The following CCDC102B variants were observed in gnomAD, a reference collection of about 807,000 sequenced individuals.
The protein encoded by CCDC102B is coiled-coil domain containing 102B, also known as coiled-coil domain-containing protein 102B.
CCDC102B carries 75 observed loss-of-function variants against 57.4 expected under a neutral mutation model. That is an observed-to-expected ratio of 1.31 (90% confidence interval 1.08 to 1.58). The LOEUF (loss-of-function observed/expected upper bound fraction) is 1.58, where lower values mean the gene tolerates loss of function less well. CCDC102B is among the 40% of genes most tolerant of loss of function. The pLI is 0.00. For synonymous variants in CCDC102B, 206 were observed against 201.9 expected (o/e 1.02, Z -0.17); for missense variants, 636 against 582.6 (o/e 1.09, Z -0.94).
intron 5 of CCDC102B, among the ~76,000 whole-genome samples, chr18:68,890,860 C>T (rs533576032): frequency 2.0e-5 from 3 of 152,198 alleles, no homozygotes; most frequent in Admixed American, 6.5e-5. Flanking sequence ...TGTTCATAAA[C>T]ATTTGTTTCA....
At chr18:68,766,030 T>G (rs1234761315) in intron 2 of CCDC102B, among the ~76,000 whole-genome samples, 1 of 152,148 alleles carries the variant, frequency 6.6e-6, no homozygotes, top group African/African-American at 2.4e-5. Flanking sequence ...TAAAACATAT[T>G]AATTCATAGG....
intron 4 of CCDC102B, chr18:68,866,774 G>T: frequency 1.5e-6 from 1 of 666,796 alleles, no homozygotes. Flanking sequence ...TGTCTTTTTG[G>T]TATGTCGGTG....
intron 6 of CCDC102B, among the ~76,000 whole-genome samples, chr18:68,931,945 G>A (rs772059511): frequency 7.3e-5 from 11 of 151,550 alleles, no homozygotes; most frequent in Non-Finnish European, 1.2e-4. Context: ...AGATGTGTAT[G>A]TACACAAAGT....
chr18:68,741,691 ACACAC>A (rs2033390949), intron 2 of CCDC102B, among the ~76,000 whole-genome samples: 1 of 148,210 alleles, frequency 6.7e-6, no homozygotes, highest in Non-Finnish European at 1.5e-5. Flanking sequence ...ACACACACAC[ACACAC>A]ACACACACAC....
intron 2 of CCDC102B, among the ~76,000 whole-genome samples, chr18:68,769,185 G>A (rs778040435): frequency 7.9e-5 from 12 of 151,818 alleles, no homozygotes; most frequent in East Asian, 3.9e-4. Flanking sequence ...CCTGGGAGGC[G>A]GAGGCTGCGG....
chr18:69,025,735 A>G (rs1422299098), intron 7 of CCDC102B, among the ~76,000 whole-genome samples: 1 of 152,190 alleles, frequency 6.6e-6, no homozygotes, highest in African/African-American at 2.4e-5. Context: ...GGAAGAAACC[A>G]CTTTTTAAGA....
At chr18:69,056,251 T>C (rs2052812716), downstream of CCDC102B, among the ~76,000 whole-genome samples, 2 of 152,050 alleles carry the variant, frequency 1.3e-5, no homozygotes, top group Non-Finnish European at 2.9e-5. Flanking sequence ...CTTCAGTGAT[T>C]TTCCTTCAAA....
At chr18:68,974,388 A>T (rs2050379717) in intron 6 of CCDC102B, among the ~76,000 whole-genome samples, 1 of 152,062 alleles carries the variant, frequency 6.6e-6, no homozygotes, top group Non-Finnish European at 1.5e-5. Context: ...GAACTGTGAG[A>T]TATTAAATTT....
chr18:68,768,150 G>C (rs1267067082), intron 2 of CCDC102B, among the ~76,000 whole-genome samples: 1 of 152,038 alleles, frequency 6.6e-6, no homozygotes, highest in Non-Finnish European at 1.5e-5. Context: ...TACAATCAGA[G>C]AAGAACTTTA....
chr18:68,940,522 A>G (rs2145166433), intron 6 of CCDC102B, among the ~76,000 whole-genome samples: 1 of 151,980 alleles, frequency 6.6e-6, no homozygotes, highest in East Asian at 1.9e-4. Flanking sequence ...CTTACTCTAC[A>G]TATAAATCTG....
Position 69,055,141 on chromosome 18 carries a change from T to A in CCDC102B, c.*1004T>A, listed in dbSNP as rs901947135. The A allele has an allele frequency of 1.4e-5, 14 of 980,210 alleles. No individual in the cohort carries two copies. The highest frequency in any genetic ancestry group is 6.2e-5 in the Admixed American group (1 of 16,200). 60.7% of individuals were successfully genotyped at this position (980,210 alleles called of 1,614,324 possible). Reference sequence around the variant, plus strand: ...CCTCCATTGATTAGCCAAAAAAAAATGAAATCTTACTAATTCATTATTGAA... The same window carrying A: ...CCTCCATTGATTAGCCAAAAAAAAAAGAAATCTTACTAATTCATTATTGAA... On this transcript the variant is annotated 3_prime_UTR_variant, in exon 8 of 8. Coordinates refer to ENST00000360242, the MANE Select transcript of CCDC102B (RefSeq NM_024781.3).
chr18:68,911,550 A>G (rs2040852643), intron 6 of CCDC102B, among the ~76,000 whole-genome samples: 1 of 150,272 alleles, frequency 6.7e-6, no homozygotes, highest in Non-Finnish European at 1.5e-5. Flanking sequence ...CAGGAGATCG[A>G]GACCATCCTG....
intron 1 of CCDC102B, among the ~76,000 whole-genome samples, chr18:68,819,194 A>T (rs1281606894): frequency 6.6e-6 from 1 of 152,130 alleles, no homozygotes; most frequent in Non-Finnish European, 1.5e-5. Flanking sequence ...AATATCATGA[A>T]TGATTTTTCT....
chr18:68,724,928 A>C lies in CCDC102B; in HGVS notation c.-67+8334A>C, dbSNP rs11661992. ...ACTGTTCTCTTGCTGCGATGAGGAA[A>C]TACCTGAGACTGGGTAATTTATAAA... On this transcript the variant is annotated intron_variant, in intron 2 of 3. Coordinates refer to the CCDC102B transcript ENST00000578970. Among the ~76,000 whole-genome samples, 169 of 152,330 alleles carry C rather than the reference A, an allele frequency of 1.1e-3. 1 individual carries two copies. The highest frequency in any genetic ancestry group is 3.8e-3 in the Admixed American group (58 of 15,300).
At chr18:68,807,141 A>T (rs2036062912) in intron 1 of CCDC102B, among the ~76,000 whole-genome samples, 1 of 152,108 alleles carries the variant, frequency 6.6e-6, no homozygotes, top group African/African-American at 2.4e-5. Flanking sequence ...TATAGCTCTC[A>T]TGTTATCATA....
At chr18:68,892,585 T>A (rs2040117252) in intron 5 of CCDC102B, among the ~76,000 whole-genome samples, 1 of 152,166 alleles carries the variant, frequency 6.6e-6, no homozygotes. Context: ...ATTTTTGATC[T>A]TTGGAGGTTG....
At chr18:68,796,136 G>T (rs188218057), upstream of CCDC102B, among the ~76,000 whole-genome samples, 118 of 152,296 alleles carry the variant, frequency 7.7e-4, 1 homozygote, top group Non-Finnish European at 1.4e-3. Flanking sequence ...GCAGAAGAAA[G>T]CTGGGAGAAG....
intron 6 of CCDC102B, among the ~76,000 whole-genome samples, chr18:69,009,954 C>T (rs1249596649): frequency 7.4e-4 from 5 of 6,732 alleles, no homozygotes; most frequent in Non-Finnish European, 4.0e-3. Context: ...TTTTTTGAGA[C>T]GGAGCCTTGC....
At chr18:69,000,355 C>T (rs12454149) in intron 6 of CCDC102B, among the ~76,000 whole-genome samples, 130,555 of 152,088 alleles carry the variant, frequency 0.86, 57,954 homozygotes, top group Non-Finnish European at 0.97. Flanking sequence ...GTCTTGATTT[C>T]TTCTGGGATG....
Sources: allele counts gnomAD v4.1 joint callset (sites outside exome capture counted in the v4.1 genomes callset), GRCh38; gene constraint gnomAD v4.1.1; transcripts MANE v1.5; gene names NCBI Gene and HGNC (gene_info 2026-07-23, HGNC 2026-07-21).